SPECC1L: variants seen among roughly 807,000 people sequenced by gnomAD.
The protein encoded by SPECC1L is cytospin-A.
In SPECC1L, 40 loss-of-function variants were observed where a neutral mutation model predicts 116.8. That is an observed-to-expected ratio of 0.34 (90% CI 0.27 to 0.45). SPECC1L has a LOEUF of 0.45. Ranked by LOEUF, SPECC1L falls within the 20% of genes least tolerant of loss-of-function variation. SPECC1L has a pLI of 1.00. For missense variants in SPECC1L, 1,110 were observed against 1,373.6 expected, an observed-to-expected ratio of 0.81 and a Z score of 3.03; for synonymous variants, 504 against 500.6, an observed-to-expected ratio of 1.01 and a Z score of -0.09.
chr22:24,324,332 G>C lies in SPECC1L; in HGVS notation c.2051G>C (p.Ser684Thr). 1.2e-6 allele frequency: 2 copies of C among 1,614,092 alleles called. No individual in the cohort carries two copies. The highest frequency in any genetic ancestry group is 1.7e-6 in the Non-Finnish European group (2 of 1,179,952). Residue 684 changes from serine (S) to threonine (T), a missense_variant, in exon 6 of 17, where the codon AGT becomes ACT. Transcript: ENST00000314328. ...SDLDEKETER[S>T]DMKETIFELE... is the part of the protein sequence containing the mutation. Reference sequence around the variant, plus strand: ...CTGGATGAAAAAGAAACAGAAAGGAGTGACATGAAAGAAACCATCTTTGAA... The same window carrying C: ...CTGGATGAAAAAGAAACAGAAAGGACTGACATGAAAGAAACCATCTTTGAA...
At chr22:24,281,304 A>G (rs2048938453) in intron 2 of SPECC1L, among the ~76,000 whole-genome samples, 1 of 152,138 alleles carries the variant, frequency 6.6e-6, no homozygotes, top group African/African-American at 2.4e-5. Context: ...GGTCCTTTGC[A>G]TTTCTGTGTT....
chr22:24,411,840 G>A, intron 15 of SPECC1L, 136 bp downstream of exon 15: 1 of 766,082 alleles, frequency 1.3e-6, no homozygotes, highest in Non-Finnish European at 2.3e-6. Context: ...GGGTCTTCTG[G>A]GATCAGGTCA....
intron 9 of SPECC1L, among the ~76,000 whole-genome samples, chr22:24,334,842 C>CT (rs972005949): frequency 2.6e-5 from 4 of 152,324 alleles, no homozygotes; most frequent in African/African-American, 9.6e-5. Context: ...ATTCCTGTTA[C>CT]TTTAAGTATG....
intron 14 of SPECC1L, among the ~76,000 whole-genome samples, chr22:24,383,883 C>T (rs1325142955): frequency 3.6e-5 from 5 of 140,550 alleles, no homozygotes; most frequent in Non-Finnish European, 7.5e-5. Context: ...GAACTCCAGA[C>T]CTCAGGTGAT....
intron 8 of SPECC1L, among the ~76,000 whole-genome samples, chr22:24,331,289 A>G (rs555064306): frequency 1.1e-3 from 171 of 152,334 alleles, no homozygotes; most frequent in African/African-American, 3.9e-3. Flanking sequence ...TATATCTTTA[A>G]AAAATGGTCT....
intron 2 of SPECC1L, among the ~76,000 whole-genome samples, chr22:24,299,445 G>A (rs1156463513): frequency 6.6e-6 from 1 of 151,980 alleles, no homozygotes; most frequent in Admixed American, 6.6e-5. Context: ...TCAAAAAAAC[G>A]GTGAACAGGG....
intron 2 of SPECC1L, among the ~76,000 whole-genome samples, chr22:24,298,786 T>A (rs1329566785): frequency 6.6e-6 from 1 of 152,210 alleles, no homozygotes; most frequent in African/African-American, 2.4e-5. Flanking sequence ...CCCACCCACA[T>A]TAGGGAAGTT....
At chr22:24,384,612 A>G (rs7290347) in intron 14 of SPECC1L, among the ~76,000 whole-genome samples, 60,566 of 151,914 alleles carry the variant, frequency 0.4, 13,218 homozygotes, top group Non-Finnish European at 0.48. Context: ...TTTGTCATAG[A>G]CTCTGAATAA....
chr22:24,410,309 C>T (rs964564362), intron 14 of SPECC1L, among the ~76,000 whole-genome samples: 4 of 152,242 alleles, frequency 2.6e-5, no homozygotes, highest in Non-Finnish European at 5.9e-5. Context: ...GCTGGGACCA[C>T]AGGCGCATGC....
chr22:24,391,666 C>T (rs1337131578), intron 14 of SPECC1L, among the ~76,000 whole-genome samples: 2 of 152,106 alleles, frequency 1.3e-5, no homozygotes, highest in East Asian at 1.9e-4. Context: ...GGTGCCCTGG[C>T]GGAGGCATGG....
chr22:24,297,668 A>C (rs2146389701), intron 2 of SPECC1L, among the ~76,000 whole-genome samples: 1 of 152,324 alleles, frequency 6.6e-6, no homozygotes, highest in African/African-American at 2.4e-5. Flanking sequence ...CCAAGGTCTG[A>C]AAATATTGAA....
intron 14 of SPECC1L, among the ~76,000 whole-genome samples, chr22:24,374,843 T>A (rs1029344928): frequency 6.8e-6 from 1 of 146,898 alleles, no homozygotes; most frequent in Non-Finnish European, 1.5e-5. Flanking sequence ...AAATAAAGAT[T>A]AGAGCCAAAA....
intron 13 of SPECC1L, 116 bp downstream of exon 13, chr22:24,365,748 T>C: frequency 8.2e-7 from 1 of 1,218,816 alleles, no homozygotes; most frequent in Non-Finnish European, 1.2e-6. Flanking sequence ...TTTTTCTGTG[T>C]GTTGTTTGCG....
chr22:24,411,493 GC>G (rs1252062473), intron 14 of SPECC1L, 94 bp from the exon 15 acceptor site: 1 of 1,129,190 alleles, frequency 8.9e-7, no homozygotes, highest in African/African-American at 1.5e-5. Flanking sequence ...TGTTTTGGAG[GC>G]CATGCAGCAT....
At chr22:24,299,087 G>A (rs1226052791) in intron 2 of SPECC1L, among the ~76,000 whole-genome samples, 2 of 152,154 alleles carry the variant, frequency 1.3e-5, no homozygotes, top group Non-Finnish European at 2.9e-5. Flanking sequence ...ACTTAGAGAT[G>A]TGGATTTCTG....
At chr22:24,350,682 G>C (rs2041403671) in intron 11 of SPECC1L, among the ~76,000 whole-genome samples, 1 of 152,146 alleles carries the variant, frequency 6.6e-6, no homozygotes, top group Admixed American at 6.5e-5. Flanking sequence ...TGTGTTGAAG[G>C]CAGAGATGGT....
intron 2 of SPECC1L, among the ~76,000 whole-genome samples, chr22:24,295,752 C>T (rs2049248150): frequency 1.3e-5 from 2 of 152,110 alleles, no homozygotes; most frequent in South Asian, 4.1e-4. Flanking sequence ...AGTTCAAGAC[C>T]AGCCTGGCCA....
chr22:24,405,713 G>A (rs2042577235), intron 14 of SPECC1L, among the ~76,000 whole-genome samples: 1 of 152,006 alleles, frequency 6.6e-6, no homozygotes, highest in Admixed American at 6.5e-5. Flanking sequence ...GGTGGCGGGT[G>A]CTTACAATCC....
intron 10 of SPECC1L, among the ~76,000 whole-genome samples, chr22:24,344,510 A>G (rs2041248762): frequency 6.6e-6 from 1 of 151,902 alleles, no homozygotes; most frequent in African/African-American, 2.4e-5. Context: ...CACCAGGATC[A>G]GGAGCAAGGT....
Sources: gnomAD v4.1 joint callset for allele counts (sites outside exome capture counted in the v4.1 genomes callset) on GRCh38, gnomAD v4.1.1 for gene constraint, MANE v1.5 for transcripts, NCBI Gene and HGNC (gene_info 2026-07-23, HGNC 2026-07-21) for gene names.